The following IL17RA variants were observed in gnomAD, a reference collection of about 807,000 sequenced individuals.
IL17RA encodes the protein interleukin 17 receptor A.
A neutral mutation model predicts 50.4 loss-of-function variants in IL17RA; 34 were observed. The ratio of observed to expected loss-of-function variants is 0.67; its 90% CI spans 0.51 to 0.90. The LOEUF (loss-of-function observed/expected upper bound fraction) is 0.90, where lower values mean the gene tolerates loss of function less well. Among genes scored for constraint, IL17RA ranks in the 40% least tolerant of loss-of-function variants. IL17RA has a pLI of 0.00. For synonymous variants in IL17RA, 585 were observed against 510.4 expected (o/e 1.15, Z -1.97); for missense variants, 1,276 against 1,169.8 (o/e 1.09, Z -1.32).
chr22:17,092,786 A>G (rs1410219203), intron 1 of IL17RA, among the ~76,000 whole-genome samples: 4 of 152,112 alleles, frequency 2.6e-5, no homozygotes, highest in Non-Finnish European at 4.4e-5. Flanking sequence ...ATCTCCTTCT[A>G]GAAATCTAGT....
At position 17,093,626 on chromosome 22, in the gene IL17RA, C is replaced by T. The variant is rs2061355369; in HGVS notation, c.139-3436C>T. The stretch of plus-strand genomic sequence containing the variant: ...GACATCAACAGTTTGTTCTCATCCA[C>T]AATGTCTGACTGTCAGTTTCTGAAA... On this transcript the variant is annotated intron_variant, in intron 1 of 12. Coordinates refer to ENST00000319363, the MANE Select transcript of IL17RA (RefSeq NM_014339.7). 1.9e-5 allele frequency: 3 copies of T among 157,772 alleles called. No individual in the cohort carries two copies. In the South Asian group the frequency reaches 5.6e-4, roughly 30 times the overall value. The allele number at this position is 157,772 out of a possible 1,614,324, so 9.8% of individuals were successfully genotyped here.
chr22:17,089,315 T>G (rs1343580977), intron 1 of IL17RA, among the ~76,000 whole-genome samples: 1 of 152,214 alleles, frequency 6.6e-6, no homozygotes, highest in Admixed American at 6.5e-5. Flanking sequence ...CTGTGGGACC[T>G]TGAGCCACTT....
At chr22:17,105,720 TG>T (rs371093629) in intron 10 of IL17RA, 118 bp downstream of exon 10, 1 of 688,832 alleles carries the variant, frequency 1.5e-6, no homozygotes, top group Non-Finnish European at 2.0e-6. Context: ...CAGCCCGGGG[TG>T]GGGGGTGAGA....
At chr22:17,095,474 A>G (rs2061365348) in intron 1 of IL17RA, among the ~76,000 whole-genome samples, 1 of 152,184 alleles carries the variant, frequency 6.6e-6, no homozygotes, top group African/African-American at 2.4e-5. Flanking sequence ...AGAGCTTTTC[A>G]TCATGGGCAT....
At position 17,108,913 on chromosome 22, in the gene IL17RA, G is replaced by C; in HGVS notation, c.1694G>C (p.Arg565Thr). Residue 565 changes from arginine (R) to threonine (T), a missense_variant, in exon 13 of 13, where the codon AGG becomes ACG. By Grantham distance (71) the Arg-to-Thr change is moderately conservative. Coordinates refer to ENST00000319363, the MANE Select transcript of IL17RA (RefSeq NM_014339.7). ...AACTACCTGCGGAGCCCGGGCGGCA[G>C]GCAGCTCCGCGCCGCCCTGGACAGG... is the stretch of plus-strand genomic sequence containing the variant. Reference protein sequence around the residue: ...GDNYLRSPGGRQLRAALDRFR... With the variant: ...GDNYLRSPGGTQLRAALDRFR... The C allele has an allele frequency of 6.2e-7, 1 of 1,611,792 alleles. No homozygotes were observed. The highest frequency in any genetic ancestry group is 8.5e-7 in the Non-Finnish European group (1 of 1,179,506).
chr22:17,103,362 A>T (rs1369337082), intron 7 of IL17RA, 132 bp from the exon 8 acceptor site: 3 of 731,898 alleles, frequency 4.1e-6, no homozygotes, highest in Non-Finnish European at 7.4e-6. Context: ...TAGAAACCTG[A>T]AAAGCATTTC....
At chr22:17,092,787 G>C (rs2061352559) in intron 1 of IL17RA, among the ~76,000 whole-genome samples, 1 of 151,728 alleles carries the variant, frequency 6.6e-6, no homozygotes, top group South Asian at 2.1e-4. Flanking sequence ...TCTCCTTCTA[G>C]AAATCTAGTC....
At chr22:17,099,447 A>G (rs2061381917) in intron 4 of IL17RA, among the ~76,000 whole-genome samples, 1 of 152,072 alleles carries the variant, frequency 6.6e-6, no homozygotes, top group Admixed American at 6.6e-5. Flanking sequence ...CCTCAGCCTC[A>G]CCTGGGAACG....
chr22:17,104,651 A>C (rs2061406379), intron 8 of IL17RA, 75 bp from the exon 9 acceptor site: 1 of 1,339,666 alleles, frequency 7.5e-7, no homozygotes, highest in African/African-American at 1.4e-5. Flanking sequence ...CCCTCCTCTC[A>C]CATTGCCGCT....
rs973738410 is a variant in IL17RA, at chr22:17,108,585, C to T, written c.1366C>T (p.Gln456Ter). The T allele has an allele frequency of 6.2e-7, 1 of 1,605,604 alleles. No individual in the cohort carries two copies. Among genetic ancestry groups the T allele is most frequent in the Non-Finnish European group, 8.5e-7 (1 of 1,179,802 alleles). Reference protein sequence around the residue: ...LCSRGTRAKWQALLGRGAPVR... With the variant: ...LCSRGTRAKW ...CTCCCGCGGCACGCGCGCCAAGTGG[C>T]AGGCGCTCCTGGGCCGGGGGGCGCC... Residue 456 changes from glutamine to a stop codon, truncating the protein, a stop_gained, in exon 13 of 13, where the codon CAG (glutamine) becomes TAG (stop). Transcript: ENST00000319363. LOFTEE classifies it low-confidence loss of function (END_TRUNC).
chr22:17,106,944 C>A (rs1230777722), intron 11 of IL17RA, among the ~76,000 whole-genome samples: 2 of 152,132 alleles, frequency 1.3e-5, no homozygotes, highest in Non-Finnish European at 2.9e-5. Flanking sequence ...GCAAGAGGAG[C>A]CTCGCTGTTA....
At chr22:17,104,959 T>C in intron 9 of IL17RA, 149 bp downstream of exon 9, 1 of 770,716 alleles carries the variant, frequency 1.3e-6, no homozygotes, top group South Asian at 1.5e-5. Context: ...AAGTGTGGAG[T>C]GGGGCTTTAG....
At chr22:17,094,703 A>ATATATATATATATATGTG (rs1169514026) in intron 1 of IL17RA, among the ~76,000 whole-genome samples, 1 of 65,882 alleles carries the variant, frequency 1.5e-5, no homozygotes, top group Non-Finnish European at 2.8e-5. Context: ...ATATATATAT[A>ATATATATATATATATGTG]TATATATATA....
Position 17,104,913 on chromosome 22 carries a change from G to A in IL17RA, c.931+103G>A, listed in dbSNP as rs148571704. The stretch of plus-strand genomic sequence containing the variant: ...CCTGGTTCTGAGGGGTGATTAGGGA[G>A]GAGAGTTTAGTTTAACTTGGAGTCC... On this transcript the variant is annotated intron_variant, in intron 9 of 12. Transcript: ENST00000319363. The A allele has an allele frequency of 8.3e-4, 919 of 1,105,986 alleles. 2 individuals are homozygous for A. Among genetic ancestry groups the A allele is most frequent in the Middle Eastern group, 6.0e-3 (31 of 5,138 alleles). The allele number at this position is 1,105,986 out of a possible 1,614,324, so 68.5% of individuals were successfully genotyped here. A position where few individuals can be genotyped will look rare whatever the true frequency, so the allele number is the denominator to read the frequency against.
At chr22:17,106,005 C>T (rs770628812) in intron 11 of IL17RA, 51 bp downstream of exon 11, 3 of 1,369,954 alleles carry the variant, frequency 2.2e-6, no homozygotes, top group South Asian at 1.2e-5. Flanking sequence ...ATACCAGCAC[C>T]ACCACTCACT....
At chr22:17,094,209 C>G (rs1332772611) in intron 1 of IL17RA, among the ~76,000 whole-genome samples, 1 of 152,012 alleles carries the variant, frequency 6.6e-6, no homozygotes, top group East Asian at 1.9e-4. Flanking sequence ...TGGTCTTAAA[C>G]TCCTGACTTC....
At chr22:17,090,914 A>G (rs763875902) in intron 1 of IL17RA, among the ~76,000 whole-genome samples, 5 of 152,130 alleles carry the variant, frequency 3.3e-5, no homozygotes, top group African/African-American at 9.7e-5. Flanking sequence ...GTTTTGTTCT[A>G]TCAGACTTGT....
In IL17RA at chr22:17,110,237, C is replaced by T. The variant is rs1165356913; in HGVS notation, c.*417C>T. The T allele has an allele frequency of 7.1e-6, 2 of 283,192 alleles. No individual in the cohort carries two copies. Among genetic ancestry groups the T allele is most frequent in the Non-Finnish European group, 1.4e-5 (2 of 146,000 alleles). The allele number at this position is 283,192 out of a possible 1,614,324, so 17.5% of individuals were successfully genotyped here. ...GATGGGCCGGGCACGGTGGCTCACG[C>T]CTGTAATCCCAGCACACTGGGAGGC... On this transcript the variant is annotated 3_prime_UTR_variant, in exon 13 of 13. Coordinates refer to ENST00000319363, the MANE Select transcript of IL17RA (RefSeq NM_014339.7).
Position 17,103,536 on chromosome 22 carries a change from A to C in IL17RA, c.805A>C (p.Thr269Pro), listed in dbSNP as rs777013339. Residue 269 changes from threonine to proline, a missense_variant, in exon 8 of 13, where the codon ACT becomes CCT. Physicochemically the swap from Thr to Pro is conservative, Grantham distance 38. Coordinates refer to ENST00000319363, the MANE Select transcript of IL17RA (RefSeq NM_014339.7). ...CCACCAGCGATCCAACGTCACACTC[A>C]CTCTACGCAACCTTAAAGGGTGCTG... ...EFHQRSNVTL[T>P]LRNLKGCCRH... 6.2e-7 allele frequency: 1 copy of C among 1,613,570 alleles called. No homozygotes were observed.
Sources: gnomAD v4.1 joint callset for allele counts (sites outside exome capture counted in the v4.1 genomes callset) on GRCh38, gnomAD v4.1.1 for gene constraint, MANE v1.5 for transcripts, NCBI Gene and HGNC (gene_info 2026-07-23, HGNC 2026-07-21) for gene names.